The following LYRM4 variants were observed in gnomAD, a reference collection of about 807,000 sequenced individuals.
LYRM4 encodes the protein LYR motif-containing protein 4.
In LYRM4, 9 loss-of-function variants were observed where a neutral mutation model predicts 11.7. The observed-to-expected ratio is 0.77, with a 90% CI of 0.46 to 1.34. The LOEUF is 1.34. Ranked by LOEUF, LYRM4 falls within the 40% of genes most tolerant of loss-of-function variation. The pLI is 0.00. For synonymous variants in LYRM4, 42 were observed against 40.4 expected (o/e 1.04, Z -0.15); for missense variants, 133 against 112.5 (o/e 1.18, Z -0.82).
chr6:5,231,508 G>T (rs1561888436), intron 1 of LYRM4, among the ~76,000 whole-genome samples: 1 of 152,180 alleles, frequency 6.6e-6, no homozygotes, highest in Non-Finnish European at 1.5e-5. Flanking sequence ...AAAGGGCTCT[G>T]AATGCTGTAT....
intron 1 of LYRM4, among the ~76,000 whole-genome samples, chr6:5,219,124 T>G (rs1296295569): frequency 1.3e-5 from 2 of 152,248 alleles, no homozygotes; most frequent in East Asian, 3.8e-4. Flanking sequence ...TAGCTATTGC[T>G]AAACTCATTT....
At chr6:5,189,989 T>C (rs1760661388) in intron 2 of LYRM4, among the ~76,000 whole-genome samples, 1 of 152,220 alleles carries the variant, frequency 6.6e-6, no homozygotes, top group South Asian at 2.1e-4. Context: ...TTTTCCCAAG[T>C]CCTTTAGTGA....
intron 2 of LYRM4, chr6:5,136,210 T>C: frequency 1.1e-6 from 1 of 878,760 alleles, no homozygotes; most frequent in Non-Finnish European, 1.4e-6. Context: ...TGGGCAAGTA[T>C]CCTTTTGAGT....
intron 1 of LYRM4, among the ~76,000 whole-genome samples, chr6:5,217,384 C>T (rs1435764154): frequency 6.6e-6 from 1 of 152,244 alleles, no homozygotes; most frequent in Non-Finnish European, 1.5e-5. Context: ...AGACAGCTCA[C>T]TTGCAGTACA....
At chr6:5,202,727 A>G (rs1450660106) in intron 2 of LYRM4, among the ~76,000 whole-genome samples, 1 of 152,228 alleles carries the variant, frequency 6.6e-6, no homozygotes, top group Non-Finnish European at 1.5e-5. Context: ...CAGGGCTGTT[A>G]TAATTAGTTA....
chr6:5,197,988 T>C (rs1761166864), intron 2 of LYRM4, among the ~76,000 whole-genome samples: 1 of 152,036 alleles, frequency 6.6e-6, no homozygotes, highest in African/African-American at 2.4e-5. Flanking sequence ...CTGACCAACA[T>C]GGTGAAACCC....
At chr6:5,176,284 T>G (rs1581439422) in intron 2 of LYRM4, among the ~76,000 whole-genome samples, 1 of 152,018 alleles carries the variant, frequency 6.6e-6, no homozygotes, top group African/African-American at 2.4e-5. Context: ...AGGCTGGTCT[T>G]GAACTCCTGA....
At chr6:5,193,007 G>A in intron 2 of LYRM4, among the ~76,000 whole-genome samples, 1 of 152,192 alleles carries the variant, frequency 6.6e-6, no homozygotes, top group East Asian at 1.9e-4. Flanking sequence ...CTGGGTGACA[G>A]TGTGAGGCTC....
At chr6:5,162,355 C>T (rs568257594) in intron 2 of LYRM4, among the ~76,000 whole-genome samples, 2 of 152,294 alleles carry the variant, frequency 1.3e-5, no homozygotes, top group South Asian at 2.1e-4. Context: ...CACAAGAGGC[C>T]TCCTTACTTC....
At chr6:5,226,768 A>G (rs1762919545) in intron 1 of LYRM4, among the ~76,000 whole-genome samples, 1 of 152,250 alleles carries the variant, frequency 6.6e-6, no homozygotes, top group Admixed American at 6.5e-5. Flanking sequence ...ATTAGAAGGA[A>G]ATATGACAGC....
chr6:5,119,799 A>C (rs1763329999), intron 2 of LYRM4, among the ~76,000 whole-genome samples: 1 of 150,398 alleles, frequency 6.6e-6, no homozygotes, highest in African/African-American at 2.4e-5. Flanking sequence ...CATAACAAAA[A>C]AAAAAAAAAA....
intron 2 of LYRM4, among the ~76,000 whole-genome samples, chr6:5,146,085 A>C (rs184344965): frequency 6.6e-6 from 1 of 152,316 alleles, no homozygotes; most frequent in East Asian, 1.9e-4. Flanking sequence ...ATGCCACCTC[A>C]TGGCACATGG....
At chr6:5,209,922 T>G (rs889667591) in intron 2 of LYRM4, among the ~76,000 whole-genome samples, 1 of 152,226 alleles carries the variant, frequency 6.6e-6, no homozygotes, top group Admixed American at 6.5e-5. Flanking sequence ...CTTCAACTAT[T>G]ATTTCATTTT....
chr6:5,037,606 C>G, the LYRM4 span, among the ~76,000 whole-genome samples: 1 of 80,580 alleles, frequency 1.2e-5, no homozygotes, highest in Non-Finnish European at 3.0e-5. Context: ...GCGCCCCTCA[C>G]CTCCCGGACG....
chr6:5,129,006 C>T (rs1352798279), intron 2 of LYRM4, among the ~76,000 whole-genome samples: 1 of 152,218 alleles, frequency 6.6e-6, no homozygotes, highest in Non-Finnish European at 1.5e-5. Context: ...TGCTCAATCC[C>T]CCAAAGGACT....
intron 2 of LYRM4, chr6:5,144,122 T>C (rs1238022533): frequency 1.0e-5 from 16 of 1,535,878 alleles, no homozygotes; most frequent in Non-Finnish European, 1.4e-5. Flanking sequence ...TGTGACCACA[T>C]AGTCAGAATG....
At chr6:5,044,400 G>A in the LYRM4 span, among the ~76,000 whole-genome samples, 1 of 152,134 alleles carries the variant, frequency 6.6e-6, no homozygotes. Flanking sequence ...CAAAGTGCTG[G>A]GATTACAGGC....
intron 1 of LYRM4, among the ~76,000 whole-genome samples, chr6:5,256,491 G>GAAAAAAAAAAAAAAAAAAAAAAAA (rs1161084364): frequency 2.3e-5 from 1 of 43,860 alleles, no homozygotes; most frequent in Non-Finnish European, 3.6e-5. Context: ...ATTTCAACTG[G>GAAAAAAAAAAAAAAAAAAAAAAAA]AAAAAAAAAA....
intron 2 of LYRM4, 136 bp from the exon 3 acceptor site, chr6:5,109,627 C>G: frequency 1.2e-6 from 1 of 805,252 alleles, no homozygotes; most frequent in East Asian, 2.7e-5. Context: ...AACTGCACTG[C>G]GGGGCAAAGC....
Sources: allele counts gnomAD v4.1 joint callset (sites outside exome capture counted in the v4.1 genomes callset), GRCh38; gene constraint gnomAD v4.1.1; transcripts MANE v1.5; gene names NCBI Gene and HGNC (gene_info 2026-07-23, HGNC 2026-07-21).